The following NBEAL1 variants were observed in gnomAD, a reference collection of about 807,000 sequenced individuals.
The protein encoded by NBEAL1 is neurobeachin like 1.
In NBEAL1, 273 loss-of-function variants were observed where a neutral mutation model predicts 351.3. The observed-to-expected ratio is 0.78, with a 90% CI of 0.70 to 0.86. The LOEUF (loss-of-function observed/expected upper bound fraction) is 0.86, where lower values mean the gene tolerates loss of function less well. Ranked by LOEUF, NBEAL1 falls within the 40% of genes least tolerant of loss-of-function variation. The probability of loss-of-function intolerance (pLI) is 0.00; values close to 1 mark genes in which losing one functional copy is unlikely to be tolerated. For missense variants in NBEAL1, 2,961 were observed against 3,201.3 expected (o/e 0.92, Z 1.81); for synonymous variants, 1,050 against 1,086.4 (o/e 0.97, Z 0.66).
At chr2:203,147,314 G>C (rs951081656) in intron 33 of NBEAL1, among the ~76,000 whole-genome samples, 2 of 152,082 alleles carry the variant, frequency 1.3e-5, no homozygotes, top group African/African-American at 4.8e-5. Flanking sequence ...GGTTAGCAAG[G>C]CTACAGGACA....
intron 4 of NBEAL1, among the ~76,000 whole-genome samples, chr2:203,051,767 G>A (rs11683327): frequency 0.45 from 68,358 of 151,948 alleles, 16,954 homozygotes; most frequent in Middle Eastern, 0.67. Flanking sequence ...AATTTTTTGG[G>A]TAGTAGATAG....
At chr2:203,178,062 C>A (rs2064573521) in intron 42 of NBEAL1, among the ~76,000 whole-genome samples, 1 of 150,964 alleles carries the variant, frequency 6.6e-6, no homozygotes, top group African/African-American at 2.4e-5. Context: ...TGCTGTATAA[C>A]CTAGAAATTC....
chr2:203,208,836 GA>G, intron 52 of NBEAL1, 83 bp downstream of exon 52: 1 of 963,446 alleles, frequency 1.0e-6, no homozygotes. Flanking sequence ...TTTTTCAGAG[GA>G]ATTGATAAGA....
Position 203,138,766 on chromosome 2 carries a change from T to C in NBEAL1, c.4848+18T>C. 3 of 1,598,696 alleles carry C rather than the reference T, an allele frequency of 1.9e-6. No individual in the cohort carries two copies. Among genetic ancestry groups the C allele is most frequent in the Non-Finnish European group, 2.6e-6 (3 of 1,175,728 alleles). Reference sequence around the variant, plus strand: ...ATTTGCAGGTTTGTCCATTCTTTTATATTATTTTCTGTGCTTGCATGCAGC... The same window carrying C: ...ATTTGCAGGTTTGTCCATTCTTTTACATTATTTTCTGTGCTTGCATGCAGC... On this transcript the variant is annotated intron_variant, in intron 31 of 55. Coordinates refer to ENST00000683969, the MANE Select transcript of NBEAL1 (RefSeq NM_001378026.1).
At position 203,057,568 on chromosome 2, in the gene NBEAL1, G is replaced by T. The variant is rs1364627694; in HGVS notation, c.515+115G>T. ...TGGAAAGAAGTATATAAGACCCACA[G>T]ATTTAACTCTGAGCTAGAGAAATAT... is the stretch of plus-strand genomic sequence containing the variant. On this transcript the variant is annotated intron_variant, in intron 6 of 55. Transcript: ENST00000683969. 3 of 777,088 alleles carry T rather than the reference G, an allele frequency of 3.9e-6. No individual in the cohort carries two copies. In the East Asian group the frequency reaches 8.4e-5, roughly 22 times the overall value. 48.1% of individuals were successfully genotyped at this position (777,088 alleles called of 1,614,324 possible). A position where few individuals can be genotyped will look rare whatever the true frequency, so the allele number is the denominator to read the frequency against.
At chr2:203,201,741 A>T in intron 50 of NBEAL1, 26 bp downstream of exon 50, 1 of 1,538,208 alleles carries the variant, frequency 6.5e-7, no homozygotes, top group Non-Finnish European at 8.8e-7. Flanking sequence ...TTTTCCAAAA[A>T]TGCTCAAAAA....
chr2:203,055,619 A>C (rs1409489578), intron 4 of NBEAL1, among the ~76,000 whole-genome samples: 1 of 151,400 alleles, frequency 6.6e-6, no homozygotes, highest in Non-Finnish European at 1.5e-5. Flanking sequence ...AAAAAAAACC[A>C]GAAGAAGTCT....
intron 2 of NBEAL1, among the ~76,000 whole-genome samples, chr2:203,022,509 A>G (rs1200203030): frequency 6.6e-6 from 1 of 152,160 alleles, no homozygotes; most frequent in Non-Finnish European, 1.5e-5. Flanking sequence ...AGGTTAACCT[A>G]GTTTCTTTGT....
chr2:203,190,205 CACA>C (rs2065030357), intron 45 of NBEAL1, 84 bp from the exon 46 acceptor site: 5 of 528,366 alleles, frequency 9.5e-6, no homozygotes, highest in South Asian at 7.3e-5. Context: ...CACACACACA[CACA>C]CCAATGAGCC....
chr2:203,200,887 G>A (rs943575044), intron 49 of NBEAL1, among the ~76,000 whole-genome samples: 1 of 152,052 alleles, frequency 6.6e-6, no homozygotes, highest in Non-Finnish European at 1.5e-5. Context: ...GTACTGTTAT[G>A]TTTTGCAAGA....
At chr2:203,155,852 G>A (rs1381345919) in intron 35 of NBEAL1, among the ~76,000 whole-genome samples, 1 of 152,018 alleles carries the variant, frequency 6.6e-6, no homozygotes, top group East Asian at 1.9e-4. Context: ...TTTAAATGAT[G>A]ATGTTCCCAG....
In NBEAL1 at chr2:203,218,012, G is replaced by A. The variant is rs1418989123; in HGVS notation, c.*658G>A. 4 of 789,702 alleles carry A rather than the reference G, an allele frequency of 5.1e-6. No individual in the cohort carries two copies. The highest frequency in any genetic ancestry group is 4.6e-6 in the Non-Finnish European group (3 of 651,864). 48.9% of individuals were successfully genotyped at this position (789,702 alleles called of 1,614,324 possible). A position where few individuals can be genotyped will look rare whatever the true frequency, so the allele number is the denominator to read the frequency against. On this transcript the variant is annotated 3_prime_UTR_variant, in exon 56 of 56. Transcript: ENST00000683969. ...GGAACTAGAGATACATTTTACAGATGTATTTCCTTAATAATATAATTAAGC... is the reference window on the plus strand; with the variant it reads ...GGAACTAGAGATACATTTTACAGATATATTTCCTTAATAATATAATTAAGC...
chr2:203,127,745 A>C (rs1380425839), intron 23 of NBEAL1, 36 bp from the exon 24 acceptor site: 3 of 1,381,620 alleles, frequency 2.2e-6, no homozygotes, highest in Non-Finnish European at 3.0e-6. Context: ...TGTAAAAATT[A>C]AAATTTCAAT....
chr2:203,035,003 C>G (rs2061019217), intron 2 of NBEAL1, among the ~76,000 whole-genome samples: 1 of 149,172 alleles, frequency 6.7e-6, no homozygotes, highest in Non-Finnish European at 1.5e-5. Flanking sequence ...AGTTTTAAAA[C>G]TTGAGTGAGT....
Position 203,119,575 on chromosome 2 carries a change from G to A in NBEAL1, c.2593-2679G>A, listed in dbSNP as rs551996451. Among the ~76,000 whole-genome samples the A allele has an allele frequency of 9.3e-4, 141 of 151,712 alleles. No individual in the cohort carries two copies. In the South Asian group the frequency reaches 0.011, roughly 12 times the overall value. ...TGAGTAGCTGGGATTACAGGCATGC[G>A]CCACCACACCTGGCTAATTTTTGTA... On this transcript the variant is annotated intron_variant, in intron 18 of 55. Transcript: ENST00000683969.
intron 35 of NBEAL1, among the ~76,000 whole-genome samples, chr2:203,156,010 T>C (rs1405269075): frequency 6.6e-6 from 1 of 152,208 alleles, no homozygotes; most frequent in African/African-American, 2.4e-5. Context: ...AGCTGCCTGT[T>C]GGGATATCTC....
In NBEAL1 at chr2:203,087,366, T is replaced by C. The variant is rs929860190; in HGVS notation, c.1098+2797T>C. 3.3e-5 allele frequency among the ~76,000 whole-genome samples: 5 copies of C among 151,718 alleles called. 1 individual carries two copies. Among genetic ancestry groups the C allele is most frequent in the South Asian group, 4.2e-4 (2 of 4,802 alleles). On this transcript the variant is annotated intron_variant, in intron 10 of 55. Transcript: ENST00000683969. Reference sequence around the variant, plus strand: ...TCGGCCTCCCAAAGTGCTGGGATTATAGGCGTGAGCCACCGAGCCCGGCCC... The same window carrying C: ...TCGGCCTCCCAAAGTGCTGGGATTACAGGCGTGAGCCACCGAGCCCGGCCC...
At chr2:203,033,943 A>G (rs192322270) in intron 2 of NBEAL1, among the ~76,000 whole-genome samples, 5 of 152,162 alleles carry the variant, frequency 3.3e-5, no homozygotes, top group East Asian at 1.9e-4. Flanking sequence ...ATTTGGGACT[A>G]CACATTTACC....
chr2:203,142,424 G>A (rs925149281), intron 31 of NBEAL1, among the ~76,000 whole-genome samples: 2 of 152,134 alleles, frequency 1.3e-5, no homozygotes, highest in Non-Finnish European at 2.9e-5. Flanking sequence ...CCAAAGTGCT[G>A]GGATTACAGG....
Sources: gnomAD v4.1 joint callset for allele counts (sites outside exome capture counted in the v4.1 genomes callset) on GRCh38, gnomAD v4.1.1 for gene constraint, MANE v1.5 for transcripts, NCBI Gene and HGNC (gene_info 2026-07-23, HGNC 2026-07-21) for gene names.